The following TLE3 variants were observed in gnomAD, a reference collection of about 807,000 sequenced individuals.
The protein encoded by TLE3 is transducin-like enhancer protein 3.
A neutral mutation model predicts 93.0 loss-of-function variants in TLE3; 14 were observed. That is an observed-to-expected ratio of 0.15 (90% CI 0.10 to 0.24). TLE3 has a LOEUF of 0.24. Ranked by LOEUF, TLE3 falls within the 10% of genes least tolerant of loss-of-function variation. TLE3 has a pLI of 1.00. For missense variants in TLE3, 693 were observed against 1,046.6 expected (o/e 0.66, Z 4.66); for synonymous variants, 451 against 425.0 (o/e 1.06, Z -0.75).
rs775460423 is a variant in TLE3, at chr15:70,094,483, A to G, written c.234+49T>C. On this transcript the variant is annotated intron_variant, in intron 4 of 19. Transcript: ENST00000451782. ...GAGAGAACATAAGAAGTCCACATAT[A>G]TAAGTTTTTAAAAAATGAAATATAT... 46 of 1,392,336 alleles carry G rather than the reference A, an allele frequency of 3.3e-5. 1 individual carries two copies. The South Asian group carries it at 4.0e-4, about 12-fold the overall frequency. The allele number at this position is 1,392,336 out of a possible 1,614,324, so 86.2% of individuals were successfully genotyped here. A position where few individuals can be genotyped will look rare whatever the true frequency, so the allele number is the denominator to read the frequency against.
chr15:70,060,149 C>A (rs1399285207), intron 9 of TLE3, among the ~76,000 whole-genome samples: 5 of 152,216 alleles, frequency 3.3e-5, no homozygotes, highest in Admixed American at 3.3e-4. Flanking sequence ...TGAGTGCATG[C>A]CTCAGGCCAA....
Position 70,054,484 on chromosome 15 carries a change from C to T in TLE3, c.1780G>A (p.Asp594Asn). The T allele has an allele frequency of 1.2e-6, 2 of 1,614,006 alleles. No homozygotes were observed. Among genetic ancestry groups the T allele is most frequent in the African/African-American group, 1.3e-5 (1 of 75,038 alleles). The change falls in exon 16 of 20, where the codon GAT (aspartate) becomes AAT (asparagine). Residue 594 changes from aspartate (D) to asparagine (N), a missense_variant. Physicochemically the swap from Asp to Asn is conservative, Grantham distance 23 (BLOSUM62 1). This residue lies in a region of TLE3 where 153 missense variants were observed against 379.9 expected (regional missense o/e 0.40). Transcript: ENST00000451782. ...DAKVCFSCCS[D>N]GNIAVWDLHN... ...AGGTCCCAGACAGCAATGTTCCCATCGCTGCAGCAGGAGAAGCAGACTTTG... is the reference window on the plus strand; with the variant it reads ...AGGTCCCAGACAGCAATGTTCCCATTGCTGCAGCAGGAGAAGCAGACTTTG...
intron 1 of TLE3, chr15:70,096,506 C>A: frequency 8.2e-7 from 1 of 1,226,820 alleles, no homozygotes; most frequent in Non-Finnish European, 1.1e-6. Context: ...GGGCGGGAGA[C>A]AAGCCGGGTG....
At chr15:70,052,781 A>C in intron 17 of TLE3, 1 of 347,462 alleles carries the variant, frequency 2.9e-6, no homozygotes, top group Non-Finnish European at 5.1e-6. Flanking sequence ...AAAAAAACTA[A>C]AATATTAAAA....
At chr15:70,076,277 C>T (rs1333502106) in intron 4 of TLE3, 119 bp from the exon 5 acceptor site, 13 of 860,904 alleles carry the variant, frequency 1.5e-5, no homozygotes, top group Non-Finnish European at 2.5e-5. Flanking sequence ...GGGGCTCCAT[C>T]CTTTCTGCCC....
At chr15:70,076,612 C>CTTAGAACTGATAA (rs1201808907) in intron 4 of TLE3, among the ~76,000 whole-genome samples, 3 of 152,168 alleles carry the variant, frequency 2.0e-5, no homozygotes, top group Admixed American at 2.0e-4. Context: ...AGCTGATAAG[C>CTTAGAACTGATAA]GGTCCTATGT....
In TLE3 at chr15:70,054,467, G is replaced by C. The variant is rs34086160; in HGVS notation, c.1797C>G (p.Val599=). Residue 599 remains valine (V), a synonymous_variant, in exon 16 of 20, where the codon GTC becomes GTG. Transcript: ENST00000451782. ...CCAGGGTCTGGTTGTGCAGGTCCCA[G>C]ACAGCAATGTTCCCATCGCTGCAGC... ...FSCCSDGNIA[V]WDLHNQTLVR... 2 of 1,613,864 alleles carry C rather than the reference G, an allele frequency of 1.2e-6. No homozygotes were observed. Among genetic ancestry groups the C allele is most frequent in the African/African-American group, 2.7e-5 (2 of 74,930 alleles).
chr15:70,051,364 G>A (rs1595851816), intron 19 of TLE3, 27 bp downstream of exon 19: 7 of 1,588,786 alleles, frequency 4.4e-6, no homozygotes, highest in Non-Finnish European at 6.0e-6. Context: ...GTAGAACCCA[G>A]AGGAGGACTC....
chr15:70,091,850 A>T (rs188930280), intron 4 of TLE3, among the ~76,000 whole-genome samples: 18 of 152,334 alleles, frequency 1.2e-4, no homozygotes, highest in African/African-American at 4.3e-4. Context: ...GCTTTTAAAA[A>T]AAATATGTGG....
At chr15:70,060,797 C>T (rs1245327414) in intron 8 of TLE3, 148 bp from the exon 9 acceptor site, 1 of 1,386,956 alleles carries the variant, frequency 7.2e-7, no homozygotes, top group Non-Finnish European at 9.8e-7. Context: ...GTGGCTCCAT[C>T]AGAGCCTTGC....
At chr15:70,054,946 C>T in intron 15 of TLE3, 103 bp downstream of exon 15, 1 of 1,457,992 alleles carries the variant, frequency 6.9e-7, no homozygotes, top group African/African-American at 1.4e-5. Context: ...AGTTGCTCAG[C>T]CAATACGATG....
rs879475158 is a variant in TLE3 at position 70,058,093 on chromosome 15, C to G, written c.1051+66G>C. The stretch of plus-strand genomic sequence containing the variant: ...CCCATGCGTGTGTGTCACCCCTGCC[C>G]TGGCCAAGAGCAGACCCCCTCCCCC... On this transcript the variant is annotated intron_variant, in intron 12 of 19. Coordinates refer to ENST00000451782, the MANE Select transcript of TLE3 (RefSeq NM_001105192.3). The surrounding 1 kb of genome is among the most constrained non-coding windows in gnomAD (Gnocchi z 4.1). The G allele has an allele frequency of 4.3e-5, 70 of 1,610,070 alleles. No individual in the cohort carries two copies. The highest frequency in any genetic ancestry group is 5.3e-5 in the Non-Finnish European group (63 of 1,178,064).
intron 6 of TLE3, among the ~76,000 whole-genome samples, chr15:70,070,503 G>C (rs1292303532): frequency 6.6e-6 from 1 of 152,182 alleles, no homozygotes; most frequent in African/African-American, 2.4e-5. Context: ...AACACTTCCT[G>C]CCCTCCAAGG....
intron 6 of TLE3, chr15:70,066,958 G>A: frequency 2.8e-6 from 1 of 352,652 alleles, no homozygotes; most frequent in Non-Finnish European, 5.9e-6. Flanking sequence ...GGGGAAAGCA[G>A]CAGACCCCAG....
At chr15:70,063,894 G>A (rs916971634) in intron 8 of TLE3, among the ~76,000 whole-genome samples, 1 of 152,202 alleles carries the variant, frequency 6.6e-6, no homozygotes, top group Admixed American at 6.5e-5. Flanking sequence ...GGCGTTTGAA[G>A]GGAATGAGGA....
At position 70,058,843 on chromosome 15, in the gene TLE3, A is replaced by AGAGATG; in HGVS notation, c.766-29_766-28insCATCTC. 6.6e-7 allele frequency: 1 copy of AGAGATG among 1,526,216 alleles called. No individual in the cohort carries two copies. Among genetic ancestry groups the AGAGATG allele is most frequent in the South Asian group, 1.3e-5 (1 of 77,294 alleles). 94.5% of individuals were successfully genotyped at this position (1,526,216 alleles called of 1,614,324 possible). On this transcript the variant is annotated intron_variant, in intron 10 of 19. Coordinates refer to ENST00000451782, the MANE Select transcript of TLE3 (RefSeq NM_001105192.3). The surrounding 1 kb of genome is among the most constrained non-coding windows in gnomAD (Gnocchi z 4.1). ...GAAAACACAAGTGATGCAGAGATGC[A>AGAGATG]CTGAAAGCAACAGCCAGCCTCGAGG...
rs202045063 is a variant in TLE3, at chr15:70,076,050, G to C, written c.297+46C>G. 4.4e-6 allele frequency: 7 copies of C among 1,590,412 alleles called. No homozygotes were observed. The Admixed American group carries it at 1.0e-4, about 23-fold the overall frequency. On this transcript the variant is annotated intron_variant, in intron 5 of 19. Coordinates refer to ENST00000451782, the MANE Select transcript of TLE3 (RefSeq NM_001105192.3). ...TCCAGTGAGACCCCACCAGCCACTGGGCTGATTTGGAAAGAAAAGGAAGAA... is the reference window on the plus strand; with the variant it reads ...TCCAGTGAGACCCCACCAGCCACTGCGCTGATTTGGAAAGAAAAGGAAGAA...
At chr15:70,054,965 G>A in intron 15 of TLE3, 84 bp downstream of exon 15, 1 of 1,490,810 alleles carries the variant, frequency 6.7e-7, no homozygotes, top group Non-Finnish European at 8.9e-7. Flanking sequence ...TGCTGAGCCA[G>A]GCCCTGGGGC....
At chr15:70,061,263 AAAC>A (rs1407401217) in intron 8 of TLE3, among the ~76,000 whole-genome samples, 1 of 152,106 alleles carries the variant, frequency 6.6e-6, no homozygotes, top group Non-Finnish European at 1.5e-5. Flanking sequence ...GTTGTAAAAA[AAAC>A]AAAAATGCCA....
Sources: gnomAD v4.1 joint callset for allele counts (sites outside exome capture counted in the v4.1 genomes callset) on GRCh38, gnomAD v4.1.1 for gene constraint, gnomAD v4.1.1 regional missense constraint, Gnocchi (gnomAD v3.1) non-coding constraint, MANE v1.5 for transcripts, NCBI Gene and HGNC (gene_info 2026-07-23, HGNC 2026-07-21) for gene names.